Variants in CSMD1 observed in about 807,000 individuals in gnomAD.
CSMD1 encodes CUB and Sushi multiple domains 1, also known as CUB and sushi domain-containing protein 1.
CSMD1 carries 213 observed loss-of-function variants against 417.5 expected under a neutral mutation model. That is an observed-to-expected ratio of 0.51 (90% CI 0.46 to 0.57). The LOEUF (loss-of-function observed/expected upper bound fraction) is 0.57, where lower values mean the gene tolerates loss of function less well. CSMD1 is among the 20% of genes least tolerant of loss of function. CSMD1 has a pLI of 0.00. For synonymous variants in CSMD1, 2,862 were observed against 1,736.8 expected (o/e 1.65, Z -16.11); for missense variants, 6,923 against 4,529.7 (o/e 1.53, Z -15.17).
intron 3 of CSMD1, among the ~76,000 whole-genome samples, chr8:4,257,812 G>C (rs778128178): frequency 3.9e-5 from 6 of 152,142 alleles, no homozygotes; most frequent in African/African-American, 7.2e-5. Flanking sequence ...ATGTGCATGA[G>C]GTTGCATGCA....
intron 7 of CSMD1, among the ~76,000 whole-genome samples, chr8:3,662,864 G>C (rs942290260): frequency 1.3e-5 from 2 of 152,010 alleles, no homozygotes; most frequent in African/African-American, 4.8e-5. Flanking sequence ...AGGGGGGAGA[G>C]CATTAGGACA....
chr8:4,182,625 T>C (rs945535207), intron 3 of CSMD1, among the ~76,000 whole-genome samples: 2 of 152,138 alleles, frequency 1.3e-5, no homozygotes, highest in African/African-American at 4.8e-5. Context: ...ACAGTGTTTA[T>C]CATATATACT....
intron 12 of CSMD1, among the ~76,000 whole-genome samples, chr8:3,453,622 T>A (rs973206681): frequency 6.6e-6 from 1 of 152,244 alleles, no homozygotes; most frequent in Non-Finnish European, 1.5e-5. Context: ...CTGAGTAGTT[T>A]TGAGAGACTT....
At chr8:3,717,693 G>T (rs539506739) in intron 6 of CSMD1, among the ~76,000 whole-genome samples, 1 of 152,108 alleles carries the variant, frequency 6.6e-6, no homozygotes, top group African/African-American at 2.4e-5. Flanking sequence ...GATAGGTGAA[G>T]ACACTTAATA....
chr8:4,309,237 C>T (rs73191941), intron 3 of CSMD1, among the ~76,000 whole-genome samples: 95,813 of 151,576 alleles, frequency 0.63, 31,258 homozygotes, highest in East Asian at 0.86. Flanking sequence ...GTGCAAGACC[C>T]ATAATTTTAA....
chr8:3,631,716 G>C (rs535599885), intron 7 of CSMD1, among the ~76,000 whole-genome samples: 5 of 152,278 alleles, frequency 3.3e-5, no homozygotes, highest in South Asian at 2.1e-4. Context: ...TTTACTGTTC[G>C]AGAAAAACTC....
intron 1 of CSMD1, among the ~76,000 whole-genome samples, chr8:4,764,901 C>CAAAAAAAA (rs1365454098): frequency 7.6e-5 from 1 of 13,160 alleles, no homozygotes; most frequent in African/African-American, 2.3e-4. Context: ...AAAACAACAA[C>CAAAAAAAA]AACAAAAAAA....
chr8:3,433,611 A>G (rs1453062414), intron 12 of CSMD1, among the ~76,000 whole-genome samples: 2 of 152,144 alleles, frequency 1.3e-5, no homozygotes, highest in African/African-American at 4.8e-5. Context: ...TGACGAGGGC[A>G]TCTTCTTTAT....
intron 25 of CSMD1, among the ~76,000 whole-genome samples, chr8:3,292,098 C>T (rs1040730260): frequency 9.2e-5 from 14 of 152,176 alleles, no homozygotes; most frequent in African/African-American, 3.4e-4. Context: ...AGTAGTCATT[C>T]AGGAGCAGGT....
At chr8:4,670,686 T>G (rs1402695619) in intron 1 of CSMD1, among the ~76,000 whole-genome samples, 1 of 152,194 alleles carries the variant, frequency 6.6e-6, no homozygotes, top group African/African-American at 2.4e-5. Context: ...TATGATAGGT[T>G]TGATAGGATT....
intron 50 of CSMD1, among the ~76,000 whole-genome samples, chr8:3,041,482 C>A (rs184820332): frequency 1.3e-5 from 2 of 152,128 alleles, no homozygotes; most frequent in African/African-American, 4.8e-5. Flanking sequence ...TTTTTCTAGG[C>A]GTAATATTAT....
intron 3 of CSMD1, among the ~76,000 whole-genome samples, chr8:4,141,478 T>C (rs1040913297): frequency 6.6e-6 from 1 of 151,178 alleles, no homozygotes; most frequent in Non-Finnish European, 1.5e-5. Flanking sequence ...GTATACAATA[T>C]GCCATTTGGT....
At chr8:4,732,383 A>G (rs293889) in intron 1 of CSMD1, among the ~76,000 whole-genome samples, 126,481 of 146,658 alleles carry the variant, frequency 0.86, 53,530 homozygotes, top group South Asian at 0.9. Context: ...GTGTGTGTGT[A>G]GTGTTTTTCC....
chr8:3,314,514 C>G (rs1276380332), intron 23 of CSMD1, among the ~76,000 whole-genome samples: 6 of 152,138 alleles, frequency 3.9e-5, no homozygotes, highest in African/African-American at 1.2e-4. Flanking sequence ...AAGACTAAAT[C>G]ACATTATTTG....
chr8:4,952,828 A>G (rs917162363), intron 1 of CSMD1, among the ~76,000 whole-genome samples: 5 of 152,160 alleles, frequency 3.3e-5, no homozygotes, highest in Non-Finnish European at 7.4e-5. Context: ...AGCGTTTTTA[A>G]TAACTCTGAC....
In CSMD1 at chr8:3,819,858, G is replaced by A. The variant is rs143881113; in HGVS notation, c.819-65816C>T. Among the ~76,000 whole-genome samples, 43 of 152,236 alleles carry A rather than the reference G, an allele frequency of 2.8e-4. 1 individual carries two copies. In the East Asian group the frequency reaches 4.5e-3, roughly 16 times the overall value. On this transcript the variant is annotated intron_variant, in intron 5 of 69. Transcript: ENST00000635120. ...TCGCACCTGGCCTGAAAGTGATTTT[G>A]CAAGGGGTAAACTAAATCAAGCAGG...
chr8:4,450,184 T>A (rs776455350), intron 2 of CSMD1, among the ~76,000 whole-genome samples: 1 of 152,176 alleles, frequency 6.6e-6, no homozygotes. Flanking sequence ...AAAACCGAAC[T>A]GGGCAACAAT....
chr8:3,157,704 G>A (rs921450591), intron 39 of CSMD1, among the ~76,000 whole-genome samples, 193 bp downstream of exon 39: 1 of 152,230 alleles, frequency 6.6e-6, no homozygotes, highest in Admixed American at 6.5e-5. Context: ...TGAGAAGACG[G>A]AGTTGCTGCA....
chr8:4,409,601 G>C (rs1796533294), intron 3 of CSMD1, among the ~76,000 whole-genome samples: 1 of 150,302 alleles, frequency 6.7e-6, no homozygotes, highest in Non-Finnish European at 1.5e-5. Context: ...TGTGTACTCT[G>C]ACTTAGAAGA....
Sources: gnomAD v4.1 joint callset for allele counts (sites outside exome capture counted in the v4.1 genomes callset) on GRCh38, gnomAD v4.1.1 for gene constraint, MANE v1.5 for transcripts, NCBI Gene and HGNC (gene_info 2026-07-23, HGNC 2026-07-21) for gene names.